Variants in DTNBP1 observed in about 807,000 individuals in gnomAD.
The protein encoded by DTNBP1 is dystrobrevin binding protein 1, also known as dysbindin.
In DTNBP1, 35 loss-of-function variants were observed where a neutral mutation model predicts 42.8. The ratio of observed to expected loss-of-function variants is 0.82; its 90% CI spans 0.63 to 1.09. The LOEUF (loss-of-function observed/expected upper bound fraction) is 1.09, where lower values mean the gene tolerates loss of function less well. Ranked by LOEUF, DTNBP1 falls within the 50% of genes least tolerant of loss-of-function variation. The probability of loss-of-function intolerance (pLI) is 0.00; values close to 1 mark genes in which losing one functional copy is unlikely to be tolerated. For missense variants in DTNBP1, 457 were observed against 424.2 expected (o/e 1.08, Z -0.68); for synonymous variants, 171 against 162.2 (o/e 1.05, Z -0.41).
intron 6 of DTNBP1, among the ~76,000 whole-genome samples, chr6:15,594,615 C>T (rs908433308): frequency 6.6e-6 from 1 of 152,064 alleles, no homozygotes; most frequent in African/African-American, 2.4e-5. Context: ...ATAATAAAAA[C>T]CAGAATACAA....
At chr6:15,615,521 T>C in intron 5 of DTNBP1, 122 bp from the exon 6 acceptor site, 1 of 1,322,132 alleles carries the variant, frequency 7.6e-7, no homozygotes, top group Non-Finnish European at 1.1e-6. Flanking sequence ...TTAATGTTTT[T>C]TATTAAACTT....
At chr6:15,542,923 C>A (rs1773662282) in intron 7 of DTNBP1, among the ~76,000 whole-genome samples, 1 of 152,130 alleles carries the variant, frequency 6.6e-6, no homozygotes. Flanking sequence ...TGGTCTTGAA[C>A]TCCTGACCTC....
chr6:15,535,797 G>A (rs1773195263), intron 7 of DTNBP1, among the ~76,000 whole-genome samples: 1 of 152,202 alleles, frequency 6.6e-6, no homozygotes, highest in African/African-American at 2.4e-5. Context: ...GGAAACTCTG[G>A]AACCTCCTAG....
At chr6:15,611,155 T>C (rs1758372256) in intron 6 of DTNBP1, among the ~76,000 whole-genome samples, 2 of 152,214 alleles carry the variant, frequency 1.3e-5, no homozygotes, top group East Asian at 3.8e-4. Context: ...CTGAAGCCAA[T>C]GCCTCATTTA....
chr6:15,642,684 A>G (rs1760447013), intron 3 of DTNBP1, among the ~76,000 whole-genome samples: 1 of 152,210 alleles, frequency 6.6e-6, no homozygotes, highest in South Asian at 2.1e-4. Flanking sequence ...AGCATCTGAG[A>G]AAGTCACTAC....
At chr6:15,648,973 T>C (rs1447829302) in intron 3 of DTNBP1, among the ~76,000 whole-genome samples, 2 of 151,770 alleles carry the variant, frequency 1.3e-5, no homozygotes, top group East Asian at 1.9e-4. Flanking sequence ...AAAATCCTCA[T>C]ACTCATTAGA....
chr6:15,540,964 G>C (rs1460250792), intron 7 of DTNBP1, among the ~76,000 whole-genome samples: 3 of 152,098 alleles, frequency 2.0e-5, no homozygotes, highest in African/African-American at 7.2e-5. Flanking sequence ...ATAAAAAATA[G>C]GAGAAAACAA....
Position 15,523,148 on chromosome 6 carries a change from G to T in DTNBP1, c.883C>A (p.Pro295Thr). The T allele has an allele frequency of 1.9e-6, 3 of 1,614,244 alleles. No individual in the cohort carries two copies. Among genetic ancestry groups the T allele is most frequent in the Non-Finnish European group, 2.5e-6 (3 of 1,180,044 alleles). ...VPNPSELRAK[P>T]PSSSSTCTDS... is the part of the protein sequence containing the mutation. ...GTGCAGGTGGAGGAAGAAGAAGGTG[G>T]CTTGGCTCTTAATTCTGAGGGATTT... Residue 295 changes from proline (P) to threonine (T), a missense_variant, in exon 10 of 10, where the codon CCA (proline) becomes ACA (threonine). Coordinates refer to ENST00000344537, the MANE Select transcript of DTNBP1 (RefSeq NM_032122.5).
intron 7 of DTNBP1, among the ~76,000 whole-genome samples, chr6:15,552,482 T>C (rs143993939): frequency 6.9e-4 from 105 of 152,324 alleles, no homozygotes; most frequent in Non-Finnish European, 1.1e-3. Context: ...TTCCCTTACA[T>C]GTACCCAATT....
chr6:15,542,352 G>A (rs1011083583), intron 7 of DTNBP1, among the ~76,000 whole-genome samples: 1 of 152,006 alleles, frequency 6.6e-6, no homozygotes, highest in African/African-American at 2.4e-5. Flanking sequence ...TAAAAATTGG[G>A]ACCTATGATT....
At position 15,662,916 on chromosome 6, in the gene DTNBP1, C is replaced by T; in HGVS notation, c.-47G>A. The stretch of plus-strand genomic sequence containing the variant: ...CTCCTCAGGCCTCGGGCTGCTGCTG[C>T]CTCTGTCGCCCCCTGGGTCCCACGC... On this transcript the variant is annotated 5_prime_UTR_variant, in exon 1 of 10. Transcript: ENST00000344537. The T allele has an allele frequency of 6.3e-7, 1 of 1,599,514 alleles. No homozygotes were observed.
intron 7 of DTNBP1, among the ~76,000 whole-genome samples, chr6:15,591,110 CT>C (rs1293474353): frequency 0.013 from 1,882 of 139,962 alleles, 19 homozygotes; most frequent in Middle Eastern, 0.029. Context: ...TTATAGGGTA[CT>C]TTTTTTTTTT....
intron 6 of DTNBP1, chr6:15,595,119 A>G (rs1222138782): frequency 2.2e-6 from 1 of 456,452 alleles, no homozygotes; most frequent in Non-Finnish European, 4.4e-6. Context: ...CAACTCCACA[A>G]CTGTCAGCGA....
At chr6:15,662,162 G>A (rs144185767) in intron 1 of DTNBP1, among the ~76,000 whole-genome samples, 1 of 152,396 alleles carries the variant, frequency 6.6e-6, no homozygotes, top group East Asian at 1.9e-4. Context: ...GAACCGCTGG[G>A]TATTAAAAGC....
At chr6:15,582,981 C>CATTTT (rs1217396274) in intron 7 of DTNBP1, among the ~76,000 whole-genome samples, 1 of 152,222 alleles carries the variant, frequency 6.6e-6, no homozygotes, top group Admixed American at 6.5e-5. Flanking sequence ...AATGCTGATT[C>CATTTT]ATTTTATTTT....
At chr6:15,544,071 C>T (rs761104818) in intron 7 of DTNBP1, among the ~76,000 whole-genome samples, 10 of 152,180 alleles carry the variant, frequency 6.6e-5, no homozygotes, top group Non-Finnish European at 1.0e-4. Context: ...GCATTTACTT[C>T]CAACACCTCT....
chr6:15,639,776 T>C (rs1476516009), intron 3 of DTNBP1, among the ~76,000 whole-genome samples: 1 of 152,230 alleles, frequency 6.6e-6, no homozygotes, highest in African/African-American at 2.4e-5. Flanking sequence ...AAGAGACACA[T>C]TAAATGTCTG....
chr6:15,597,088 T>G (rs1335384139), intron 6 of DTNBP1, among the ~76,000 whole-genome samples: 1 of 152,186 alleles, frequency 6.6e-6, no homozygotes, highest in Non-Finnish European at 1.5e-5. Context: ...CCTTAGACAC[T>G]ATGATAATGT....
chr6:15,527,837 C>T (rs952832106), intron 8 of DTNBP1, among the ~76,000 whole-genome samples: 3 of 152,114 alleles, frequency 2.0e-5, no homozygotes, highest in East Asian at 1.9e-4. Flanking sequence ...CCATGGACAA[C>T]GTTATGCTGA....
Sources: gnomAD v4.1 joint callset for allele counts (sites outside exome capture counted in the v4.1 genomes callset) on GRCh38, gnomAD v4.1.1 for gene constraint, MANE v1.5 for transcripts, NCBI Gene and HGNC (gene_info 2026-07-23, HGNC 2026-07-21) for gene names.